Variants in BIRC6 observed in about 807,000 individuals in gnomAD.
BIRC6 encodes the protein dual E2 ubiquitin-conjugating enzyme/E3 ubiquitin-protein ligase BIRC6.
In BIRC6, 98 loss-of-function variants were observed where a neutral mutation model predicts 503.3. That is an observed-to-expected ratio of 0.19 (90% CI 0.17 to 0.23). The LOEUF (loss-of-function observed/expected upper bound fraction) is 0.23, where lower values mean the gene tolerates loss of function less well. BIRC6 is among the 10% of genes least tolerant of loss of function. BIRC6 has a pLI of 1.00. For missense variants in BIRC6, 5,360 were observed against 5,806.0 expected, an observed-to-expected ratio of 0.92 and a Z score of 2.50; for synonymous variants, 2,240 against 2,078.7, an observed-to-expected ratio of 1.08 and a Z score of -2.11.
chr2:32,466,202 C>T (rs1032969196), intron 26 of BIRC6, among the ~76,000 whole-genome samples: 1 of 151,974 alleles, frequency 6.6e-6, no homozygotes, highest in Non-Finnish European at 1.5e-5. Context: ...AGTTGTTTTC[C>T]TTCACTATAA....
intron 6 of BIRC6, among the ~76,000 whole-genome samples, chr2:32,398,700 T>G (rs1352984698): frequency 6.6e-6 from 1 of 152,190 alleles, no homozygotes; most frequent in East Asian, 1.9e-4. Flanking sequence ...TTAAAATTGA[T>G]GTGGGTCTTT....
chr2:32,596,261 C>T (rs968531115), intron 68 of BIRC6, among the ~76,000 whole-genome samples: 3 of 151,846 alleles, frequency 2.0e-5, no homozygotes, highest in Admixed American at 2.0e-4. Context: ...GGTGGGCGGT[C>T]ACGAGGTCGG....
intron 1 of BIRC6, among the ~76,000 whole-genome samples, chr2:32,369,109 G>C (rs1029996909): frequency 6.6e-6 from 1 of 152,188 alleles, no homozygotes; most frequent in South Asian, 2.1e-4. Context: ...ATGCAAGATA[G>C]CATCAGTACA....
chr2:32,539,066 A>G (rs1228597324), intron 61 of BIRC6, among the ~76,000 whole-genome samples: 1 of 152,200 alleles, frequency 6.6e-6, no homozygotes, highest in East Asian at 1.9e-4. Context: ...TGCTACCCCT[A>G]TTTTTTAATG....
intron 45 of BIRC6, among the ~76,000 whole-genome samples, chr2:32,495,913 C>T (rs894295241): frequency 2.6e-5 from 4 of 151,026 alleles, no homozygotes; most frequent in African/African-American, 9.7e-5. Flanking sequence ...TCTCGGCTCA[C>T]TGCAAGCGCC....
chr2:32,375,558 AT>A (rs1204022149), intron 1 of BIRC6, among the ~76,000 whole-genome samples: 1 of 151,764 alleles, frequency 6.6e-6, no homozygotes. Flanking sequence ...AAGTGCTGAG[AT>A]TACAGGCATG....
intron 20 of BIRC6, among the ~76,000 whole-genome samples, 166 bp downstream of exon 20, chr2:32,443,754 C>T (rs1490983704): frequency 6.6e-6 from 1 of 152,176 alleles, no homozygotes; most frequent in Non-Finnish European, 1.5e-5. Context: ...TGGTCATATA[C>T]TCCGTCAATA....
intron 19 of BIRC6, among the ~76,000 whole-genome samples, chr2:32,442,659 C>T (rs1284213133): frequency 1.3e-5 from 2 of 152,144 alleles, no homozygotes; most frequent in Non-Finnish European, 2.9e-5. Context: ...GTCTATTTAA[C>T]TTTTAAGAAA....
intron 24 of BIRC6, among the ~76,000 whole-genome samples, chr2:32,464,208 C>G (rs995446218): frequency 2.0e-4 from 30 of 152,224 alleles, no homozygotes; most frequent in African/African-American, 7.2e-4. Flanking sequence ...GAATTCAACT[C>G]CTTATAATAT....
At chr2:32,407,711 A>C (rs931048682) in intron 9 of BIRC6, among the ~76,000 whole-genome samples, 4 of 152,162 alleles carry the variant, frequency 2.6e-5, no homozygotes, top group African/African-American at 9.6e-5. Context: ...GAAAGGCACT[A>C]AATGGAACAC....
chr2:32,382,749 G>T (rs2037860389), intron 3 of BIRC6, among the ~76,000 whole-genome samples: 1 of 152,110 alleles, frequency 6.6e-6, no homozygotes, highest in Admixed American at 6.5e-5. Context: ...TTGGAGATGG[G>T]GTCTTGTGCT....
chr2:32,530,135 ATT>A (rs1240893931), intron 60 of BIRC6, among the ~76,000 whole-genome samples: 1 of 152,196 alleles, frequency 6.6e-6, no homozygotes, highest in Non-Finnish European at 1.5e-5. Context: ...TATAATTTAT[ATT>A]GAGTGGCATT....
intron 1 of BIRC6, among the ~76,000 whole-genome samples, chr2:32,370,862 G>C (rs959109423): frequency 2.6e-5 from 4 of 152,136 alleles, no homozygotes; most frequent in Non-Finnish European, 4.4e-5. Flanking sequence ...TGAGATGTCA[G>C]TGGAAATGGA....
chr2:32,448,797 A>G lies in BIRC6; in HGVS notation c.4487A>G (p.Tyr1496Cys). 1 of 1,592,282 alleles carries G rather than the reference A, an allele frequency of 6.3e-7. No homozygotes were observed. The highest frequency in any genetic ancestry group is 8.5e-7 in the Non-Finnish European group (1 of 1,174,278). Residue 1496 changes from tyrosine to cysteine, a missense_variant and splice_region_variant, in exon 22 of 74, where the codon TAT becomes TGT. Transcript: ENST00000421745. ...TAGTGCATTATTTTATTTTTCAGAT[A>G]TGGATTATATAGCTCACCATTTGAT... ...TPMEALLQTR[Y>C]GLYSSPFDPV...
At position 32,415,921 on chromosome 2, in the gene BIRC6, C is replaced by A. The variant is rs1190704590; in HGVS notation, c.2630C>A (p.Pro877His). 2.5e-5 allele frequency: 41 copies of A among 1,613,844 alleles called. No homozygotes were observed. The highest frequency in any genetic ancestry group is 3.4e-5 in the Non-Finnish European group (40 of 1,179,880). Residue 877 changes from proline to histidine, a missense_variant, in exon 10 of 74, where the codon CCT (proline) becomes CAT (histidine). Around this residue, in one of 16 missense-constraint regions of BIRC6, gnomAD observed 700 missense variants for 739.3 expected, o/e 0.95. Transcript: ENST00000421745. ...LDNREDDCEE[P>H]IEDMQLTSKN... ...AATCGAGAGGATGACTGTGAGGAAC[C>A]TATTGAGGACATGCAGTTAACCTCA...
In BIRC6 at chr2:32,611,856, C is replaced by T. The variant is rs143296244; in HGVS notation, c.14394+274C>T. Among the ~76,000 whole-genome samples, 1,005 of 152,134 alleles carry T rather than the reference C, an allele frequency of 6.6e-3. 6 individuals carry two copies. The highest frequency in any genetic ancestry group is 0.011 in the Non-Finnish European group (747 of 67,986). ...TTGAAGATAATGATGACAAGATGTG[C>T]TCCATGAATGCCTTTTCCTTTTTCT... is the stretch of plus-strand genomic sequence containing the variant. On this transcript the variant is annotated intron_variant, in intron 73 of 73. Transcript: ENST00000421745.
In BIRC6 at chr2:32,467,564, T is replaced by C. The variant is rs1300429556; in HGVS notation, c.5396T>C (p.Ile1799Thr). 3 of 1,613,860 alleles carry C rather than the reference T, an allele frequency of 1.9e-6. No individual in the cohort carries two copies. Among genetic ancestry groups the C allele is most frequent in the Non-Finnish European group, 2.5e-6 (3 of 1,179,878 alleles). ...GTGACCTTGGATTTTGGGAGGCCTA[T>C]ATTGTTGACTGATGTATTGATTCCC... ...RFVTLDFGRP[I>T]LLTDVLIPTC... The change falls in exon 27 of 74, where the codon ATA becomes ACA. Residue 1799 changes from isoleucine to threonine, a missense_variant. Ile to Thr is a moderately conservative substitution (Grantham distance 89). Around this residue, in one of 16 missense-constraint regions of BIRC6, gnomAD observed 2,299 missense variants for 2,267.2 expected, o/e 1.01. Transcript: ENST00000421745.
At chr2:32,549,721 CT>C (rs1478522969) in intron 65 of BIRC6, among the ~76,000 whole-genome samples, 1 of 152,120 alleles carries the variant, frequency 6.6e-6, no homozygotes. Context: ...TGAAAGTAAA[CT>C]TTTTTTCCTT....
Position 32,463,578 on chromosome 2 carries a change from A to G in BIRC6, c.4941+197A>G, listed in dbSNP as rs2048221197. ...TGTATGAATACATCTTATTTGATAC[A>G]TATTTGAGGGAATATGATTGATATT... On this transcript the variant is annotated intron_variant, in intron 24 of 73. Transcript: ENST00000421745. 2.6e-5 allele frequency among the ~76,000 whole-genome samples: 4 copies of G among 152,364 alleles called. No individual in the cohort carries two copies. The South Asian group carries it at 6.2e-4, about 24-fold the overall frequency.
Sources: gnomAD v4.1 joint callset for allele counts (sites outside exome capture counted in the v4.1 genomes callset) on GRCh38, gnomAD v4.1.1 for gene constraint, gnomAD v4.1.1 regional missense constraint, MANE v1.5 for transcripts, NCBI Gene and HGNC (gene_info 2026-07-23, HGNC 2026-07-21) for gene names.